The following KMT5B variants were observed in gnomAD, a reference collection of about 807,000 sequenced individuals.
KMT5B encodes histone-lysine N-methyltransferase KMT5B.
KMT5B carries 10 observed loss-of-function variants against 83.2 expected under a neutral mutation model. The observed-to-expected ratio is 0.12, with a 90% CI of 0.07 to 0.20. The LOEUF (loss-of-function observed/expected upper bound fraction) is 0.20. Among genes scored for constraint, KMT5B ranks in the 10% least tolerant of loss-of-function variants. The probability of loss-of-function intolerance (pLI) is 1.00; values close to 1 mark genes in which losing one functional copy is unlikely to be tolerated. For synonymous variants in KMT5B, 349 were observed against 388.8 expected (o/e 0.90, Z 1.20); for missense variants, 753 against 1,067.2 (o/e 0.71, Z 4.10).
intron 10 of KMT5B, among the ~76,000 whole-genome samples, chr11:68,162,461 TCAGCTTAGGCAACACCTCC>T (rs771585647): frequency 2.0e-5 from 3 of 152,224 alleles, no homozygotes; most frequent in Non-Finnish European, 4.4e-5. Flanking sequence ...CCTGTAAGAC[TCAGCTTAGGCAACACCTCC>T]CTGAGGGAGC....
chr11:68,158,951 A>C lies in KMT5B; in HGVS notation c.1395T>G (p.Asn465Lys), dbSNP rs568679485. ...RNHCKRLEQK[N>K]ASRKLEMGNL... ...TTCCCATTTCGAGTTTTCTTGAAGC[A>C]TTCTTTTGCTCCAGCCGCTTGCAAT... The change falls in exon 11 of 11, where the codon AAT (asparagine) becomes AAG (lysine). Residue 465 changes from asparagine to lysine, a missense_variant. Physicochemically the swap from Asn to Lys is moderately conservative, Grantham distance 94. Coordinates refer to ENST00000304363, the MANE Select transcript of KMT5B (RefSeq NM_017635.5). 6 of 1,613,636 alleles carry C rather than the reference A, an allele frequency of 3.7e-6. No homozygotes were observed. The Admixed American group carries it at 5.0e-5, about 13-fold the overall frequency.
chr11:68,198,097 TA>T (rs1183167681), intron 1 of KMT5B, among the ~76,000 whole-genome samples: 8 of 152,144 alleles, frequency 5.3e-5, no homozygotes, highest in Admixed American at 1.3e-4. Flanking sequence ...GTCGATACTG[TA>T]GTAGAGTATA....
chr11:68,174,358 A>T, intron 5 of KMT5B: 1 of 318,212 alleles, frequency 3.1e-6, no homozygotes, highest in South Asian at 2.4e-5. Context: ...CAAAAAATTC[A>T]AAATCCTCCC....
intron 1 of KMT5B, among the ~76,000 whole-genome samples, chr11:68,209,405 T>C (rs1046328966): frequency 7.9e-5 from 12 of 152,162 alleles, no homozygotes; most frequent in Admixed American, 3.3e-4. Context: ...ACCAAACAGA[T>C]GCATAAGGGG....
chr11:68,159,108 T>C lies in KMT5B; in HGVS notation c.1238A>G (p.Gln413Arg). ...AGAAGCTGGAATTCTTGACATAGAT[T>C]GCCTCGTTAACGTTCTGCTCTTGCT... is the stretch of plus-strand genomic sequence containing the variant. ...KNSKSRTLTR[Q>R]SMSRIPASSN... The change falls in exon 11 of 11, where the codon CAA (glutamine) becomes CGA (arginine). Residue 413 changes from glutamine to arginine, a missense_variant. Gln to Arg is a conservative substitution (Grantham distance 43, BLOSUM62 1). Around this residue, in one of 9 missense-constraint regions of KMT5B, gnomAD observed 397 missense variants for 395.9 expected, o/e 1.00. Coordinates refer to ENST00000304363, the MANE Select transcript of KMT5B (RefSeq NM_017635.5). The C allele has an allele frequency of 2.5e-6, 4 of 1,601,336 alleles. No individual in the cohort carries two copies. Among genetic ancestry groups the C allele is most frequent in the Non-Finnish European group, 3.4e-6 (4 of 1,177,032 alleles).
intron 1 of KMT5B, among the ~76,000 whole-genome samples, chr11:68,202,592 A>G (rs1017298978): frequency 3.3e-5 from 4 of 122,776 alleles, no homozygotes; most frequent in African/African-American, 1.3e-4. Flanking sequence ...TCTGTTGCCC[A>G]GGCTGGAGTG....
intron 1 of KMT5B, among the ~76,000 whole-genome samples, chr11:68,207,947 C>T (rs1860369563): frequency 1.3e-5 from 2 of 150,782 alleles, no homozygotes; most frequent in Non-Finnish European, 3.0e-5. Context: ...TCAAGGAATT[C>T]TCTGTCTCAG....
chr11:68,196,411 T>C (rs1352819674), intron 1 of KMT5B, among the ~76,000 whole-genome samples: 1 of 150,220 alleles, frequency 6.7e-6, no homozygotes, highest in East Asian at 1.9e-4. Flanking sequence ...CTTCCTTAAT[T>C]GAGAGTTCCT....
At chr11:68,165,860 C>T in intron 10 of KMT5B, 1 of 1,612,864 alleles carries the variant, frequency 6.2e-7, no homozygotes, top group Non-Finnish European at 8.5e-7. Context: ...TATGCTTGGA[C>T]TCTGACTCCC....
intron 3 of KMT5B, among the ~76,000 whole-genome samples, chr11:68,185,394 G>A (rs1857350842): frequency 6.6e-6 from 1 of 152,192 alleles, no homozygotes; most frequent in East Asian, 1.9e-4. Flanking sequence ...TTTTAGTAGA[G>A]ACAGGGTTTC....
intron 1 of KMT5B, among the ~76,000 whole-genome samples, chr11:68,209,038 G>GC (rs1860531339): frequency 6.6e-6 from 1 of 152,084 alleles, no homozygotes; most frequent in Admixed American, 6.6e-5. Context: ...GAAGGATCAA[G>GC]CCCCCTTTTA....
At chr11:68,173,963 T>C (rs1253242194) in intron 5 of KMT5B, 50 bp from the exon 6 acceptor site, 1 of 1,238,540 alleles carries the variant, frequency 8.1e-7, no homozygotes, top group Non-Finnish European at 1.2e-6. Context: ...TATACCCTGC[T>C]AGACTTTCTT....
intron 4 of KMT5B, among the ~76,000 whole-genome samples, chr11:68,178,546 C>A (rs1366111867): frequency 6.6e-6 from 1 of 152,142 alleles, no homozygotes; most frequent in Non-Finnish European, 1.5e-5. Flanking sequence ...AAGTTGCTGT[C>A]CCAAACCTGT....
At chr11:68,177,830 T>C (rs141739346) in intron 4 of KMT5B, among the ~76,000 whole-genome samples, 102 of 152,308 alleles carry the variant, frequency 6.7e-4, no homozygotes, top group African/African-American at 2.4e-3. Context: ...AGCTGTAGAA[T>C]TGGGAAAGCA....
chr11:68,198,308 C>T (rs916269169), intron 1 of KMT5B, among the ~76,000 whole-genome samples: 1 of 152,138 alleles, frequency 6.6e-6, no homozygotes, highest in Non-Finnish European at 1.5e-5. Flanking sequence ...AGCTTCAACC[C>T]AGGAGGCAGA....
chr11:68,176,099 G>C (rs1254649893), intron 4 of KMT5B, among the ~76,000 whole-genome samples: 1 of 152,000 alleles, frequency 6.6e-6, no homozygotes, highest in Non-Finnish European at 1.5e-5. Context: ...ATTTTTAGTA[G>C]AGACCATGTT....
At chr11:68,185,987 A>G in intron 2 of KMT5B, 59 bp from the exon 3 acceptor site, 2 of 1,495,004 alleles carry the variant, frequency 1.3e-6, no homozygotes. Flanking sequence ...AATCTGCCTT[A>G]AAATCTTTAG....
intron 10 of KMT5B, among the ~76,000 whole-genome samples, chr11:68,164,071 A>G (rs1855088399): frequency 1.3e-5 from 2 of 152,156 alleles, no homozygotes; most frequent in Admixed American, 1.3e-4. Context: ...AGCGAGGCAT[A>G]AGAGGCCTGA....
At chr11:68,165,845 C>T (rs1290272024) in intron 10 of KMT5B, 12 of 1,612,286 alleles carry the variant, frequency 7.4e-6, no homozygotes, top group South Asian at 2.2e-5. Context: ...TTATGCTACA[C>T]GGGTTATGCT....
Sources: allele counts gnomAD v4.1 joint callset (sites outside exome capture counted in the v4.1 genomes callset), GRCh38; gene constraint gnomAD v4.1.1; regional missense constraint gnomAD v4.1.1; transcripts MANE v1.5; gene names NCBI Gene and HGNC (gene_info 2026-07-23, HGNC 2026-07-21).